ABCC4: variants seen among roughly 807,000 people sequenced by gnomAD.
ABCC4 encodes the protein ATP binding cassette subfamily C member 4 (PEL blood group).
ABCC4 carries 102 observed loss-of-function variants against 168.5 expected under a neutral mutation model. That is an observed-to-expected ratio of 0.61 (90% CI 0.52 to 0.71). ABCC4 has a LOEUF of 0.71. ABCC4 is among the 30% of genes least tolerant of loss of function. The probability of loss-of-function intolerance (pLI) is 0.00; values close to 1 mark genes in which losing one functional copy is unlikely to be tolerated. For synonymous variants in ABCC4, 617 were observed against 590.7 expected (o/e 1.04, Z -0.65); for missense variants, 1,402 against 1,605.8 (o/e 0.87, Z 2.17).
chr13:95,156,539 TTGGAACAGAAC>T (rs2036860947), intron 19 of ABCC4, among the ~76,000 whole-genome samples: 1 of 152,144 alleles, frequency 6.6e-6, no homozygotes, highest in South Asian at 2.1e-4. Context: ...TTTATTATGA[TTGGAACAGAAC>T]GGAAACAGGG....
chr13:95,200,985 C>T (rs1379631648), intron 8 of ABCC4, among the ~76,000 whole-genome samples: 1 of 152,144 alleles, frequency 6.6e-6, no homozygotes, highest in Non-Finnish European at 1.5e-5. Context: ...ACCATACGAG[C>T]GCCAACGCTT....
Position 95,020,881 on chromosome 13 carries a change from C to T in ABCC4, c.*694G>A, listed in dbSNP as rs4148553. ...GAGGATGGACGGTCACATTTGTGTC[C>T]TTCAGTATCAAAGCACCTTTAAGGG... On this transcript the variant is annotated 3_prime_UTR_variant, in exon 31 of 31. Coordinates refer to ENST00000645237, the MANE Select transcript of ABCC4 (RefSeq NM_005845.5). 63,394 of 152,238 alleles carry T rather than the reference C, an allele frequency of 0.42. 13,890 individuals carry two copies. Among genetic ancestry groups the T allele is most frequent in the East Asian group, 0.49 (2,551 of 5,166 alleles). The allele number at this position is 152,238 out of a possible 1,614,324, so 9.4% of individuals were successfully genotyped here. A position where few individuals can be genotyped will look rare whatever the true frequency, so the allele number is the denominator to read the frequency against.
intron 20 of ABCC4, among the ~76,000 whole-genome samples, chr13:95,110,679 C>T (rs2035173108): frequency 6.6e-6 from 1 of 152,074 alleles, no homozygotes; most frequent in Admixed American, 6.6e-5. Context: ...AGTAATCAAG[C>T]ACTTCTGGCC....
At chr13:95,092,113 C>T (rs1410634537) in intron 20 of ABCC4, among the ~76,000 whole-genome samples, 1 of 152,150 alleles carries the variant, frequency 6.6e-6, no homozygotes, top group East Asian at 1.9e-4. Flanking sequence ...GAAAATATCA[C>T]AGTCCTAAAC....
At chr13:95,064,297 T>TATACACACAC (rs1555306881) in intron 25 of ABCC4, among the ~76,000 whole-genome samples, 2 of 105,296 alleles carry the variant, frequency 1.9e-5, no homozygotes, top group Non-Finnish European at 4.0e-5. Flanking sequence ...TATATATATA[T>TATACACACAC]ACACACACAC....
intron 8 of ABCC4, among the ~76,000 whole-genome samples, chr13:95,196,716 GGA>G (rs2038462015): frequency 1.0e-5 from 1 of 98,524 alleles, no homozygotes; most frequent in East Asian, 2.4e-4. Context: ...AAGGAAGGAA[GGA>G]AGGAAGGAAG....
intron 1 of ABCC4, among the ~76,000 whole-genome samples, chr13:95,291,694 A>G (rs1226286800): frequency 1.3e-5 from 2 of 152,154 alleles, no homozygotes; most frequent in Non-Finnish European, 2.9e-5. Context: ...CATGTGTCCA[A>G]TATAGCTCAA....
chr13:95,198,581 C>T (rs901474610), intron 8 of ABCC4, among the ~76,000 whole-genome samples: 9 of 152,212 alleles, frequency 5.9e-5, no homozygotes, highest in African/African-American at 1.7e-4. Flanking sequence ...CCAGAAATAC[C>T]ATTGGACCCA....
chr13:95,283,198 A>G (rs1201437923), intron 1 of ABCC4, among the ~76,000 whole-genome samples: 9 of 150,620 alleles, frequency 6.0e-5, no homozygotes, highest in African/African-American at 1.5e-4. Context: ...CCTGGGCAAC[A>G]GAGCAAGACT....
chr13:95,055,767 C>T (rs1345909819), intron 26 of ABCC4: 1 of 152,082 alleles, frequency 6.6e-6, no homozygotes, highest in African/African-American at 2.4e-5. Context: ...CCTGTAATTC[C>T]AGCTACTCGG....
chr13:95,150,557 T>A (rs1039350287), intron 19 of ABCC4, among the ~76,000 whole-genome samples: 27 of 152,090 alleles, frequency 1.8e-4, no homozygotes, highest in African/African-American at 5.6e-4. Context: ...TTATTTGAGA[T>A]ATGAAAGAGC....
chr13:95,286,123 C>CTGTTTTTTTTTTTTTT (rs2041249661), intron 1 of ABCC4, among the ~76,000 whole-genome samples: 1 of 105,522 alleles, frequency 9.5e-6, no homozygotes, highest in Non-Finnish European at 1.9e-5. Flanking sequence ...TCCAGAAAAA[C>CTGTTTTTTTTTTTTTT]TTTTTTTTTT....
intron 9 of ABCC4, among the ~76,000 whole-genome samples, chr13:95,189,002 C>T (rs1190168984): frequency 6.6e-6 from 1 of 152,056 alleles, no homozygotes; most frequent in Non-Finnish European, 1.5e-5. Flanking sequence ...AGGTTTTAAG[C>T]CCTGCATGCA....
chr13:95,216,271 C>G (rs1256651207), intron 4 of ABCC4, among the ~76,000 whole-genome samples: 4 of 152,080 alleles, frequency 2.6e-5, no homozygotes. Flanking sequence ...AATAAAGTGT[C>G]CATGTTATAG....
chr13:95,174,152 C>A (rs894633747), intron 13 of ABCC4, among the ~76,000 whole-genome samples: 2 of 152,282 alleles, frequency 1.3e-5, no homozygotes, highest in Middle Eastern at 3.4e-3. Flanking sequence ...CTATAGCAGG[C>A]AACAAATTGG....
chr13:95,114,737 T>C (rs891187996), intron 20 of ABCC4, among the ~76,000 whole-genome samples: 3 of 152,170 alleles, frequency 2.0e-5, no homozygotes, highest in African/African-American at 7.2e-5. Context: ...GGAATTCCTA[T>C]AAGCATTTCA....
intron 19 of ABCC4, among the ~76,000 whole-genome samples, chr13:95,156,237 T>C (rs1339997453): frequency 1.3e-5 from 2 of 152,218 alleles, no homozygotes; most frequent in African/African-American, 2.4e-5. Context: ...GTTTCAAACA[T>C]AATACGCCAC....
At chr13:95,086,085 T>C (rs1439211216) in intron 20 of ABCC4, among the ~76,000 whole-genome samples, 1 of 28,144 alleles carries the variant, frequency 3.6e-5, no homozygotes, top group African/African-American at 9.0e-5. Context: ...TTTTTAAGGT[T>C]ATTGTGTGTG....
At chr13:95,119,243 T>G (rs1016423416) in intron 19 of ABCC4, among the ~76,000 whole-genome samples, 3 of 152,174 alleles carry the variant, frequency 2.0e-5, no homozygotes, top group Admixed American at 2.0e-4. Context: ...TTTTGGGAGC[T>G]GGACAATAAA....
Sources: gnomAD v4.1 joint callset for allele counts (sites outside exome capture counted in the v4.1 genomes callset) on GRCh38, gnomAD v4.1.1 for gene constraint, MANE v1.5 for transcripts, NCBI Gene and HGNC (gene_info 2026-07-23, HGNC 2026-07-21) for gene names.